ZSCAN2: variants seen among roughly 807,000 people sequenced by gnomAD.
ZSCAN2 encodes zinc finger and SCAN domain-containing protein 2.
A neutral mutation model predicts 47.8 loss-of-function variants in ZSCAN2; 26 were observed. The observed-to-expected ratio is 0.54, with a 90% confidence interval of 0.40 to 0.75. ZSCAN2 has a LOEUF of 0.75. Ranked by LOEUF, ZSCAN2 falls within the 30% of genes least tolerant of loss-of-function variation. ZSCAN2 has a pLI of 0.00. For missense variants in ZSCAN2, 732 were observed against 785.4 expected, an observed-to-expected ratio of 0.93 and a Z score of 0.81; for synonymous variants, 305 against 288.7, an observed-to-expected ratio of 1.06 and a Z score of -0.57.
At position 84,612,730 on chromosome 15, in the gene ZSCAN2, G is replaced by A. The variant is rs72750857; in HGVS notation, c.407-7872G>A. Among the ~76,000 whole-genome samples, 904 of 151,780 alleles carry A rather than the reference G, an allele frequency of 6.0e-3. 10 individuals are homozygous for A. Among genetic ancestry groups the A allele is most frequent in the Middle Eastern group, 0.014 (4 of 294 alleles). On this transcript the variant is annotated intron_variant, in intron 2 of 2. Coordinates refer to ENST00000546148, the MANE Select transcript of ZSCAN2 (RefSeq NM_181877.4). ...GGCCTGGAAGACAGAGTGAGACTGCGTCTCAAAAGAAAAAAAAAAGGGGGA... is the reference window on the plus strand; with the variant it reads ...GGCCTGGAAGACAGAGTGAGACTGCATCTCAAAAGAAAAAAAAAAGGGGGA...
intron 1 of ZSCAN2, chr15:84,601,997 AG>A (rs1895219055): frequency 8.2e-6 from 1 of 121,378 alleles, no homozygotes. Flanking sequence ...TTTGTTGCCC[AG>A]GCTGGAGTGC....
At chr15:84,616,205 C>G (rs746979603) in intron 2 of ZSCAN2, 3 of 746,078 alleles carry the variant, frequency 4.0e-6, no homozygotes, top group Non-Finnish European at 7.3e-6. Context: ...CCACTGCACT[C>G]CAGCCTGGGT....
intron 2 of ZSCAN2, among the ~76,000 whole-genome samples, chr15:84,618,366 C>A (rs1174782428): frequency 6.6e-6 from 1 of 152,054 alleles, no homozygotes; most frequent in Non-Finnish European, 1.5e-5. Flanking sequence ...TGCAGTGAGC[C>A]TAGATCTCGC....
At chr15:84,619,973 A>G (rs1410010933) in intron 2 of ZSCAN2, among the ~76,000 whole-genome samples, 1 of 144,400 alleles carries the variant, frequency 6.9e-6, no homozygotes, top group Admixed American at 7.2e-5. Context: ...TCAGGGGTAC[A>G]TGTGCAGGAT....
chr15:84,608,336 C>G (rs1895442867), intron 2 of ZSCAN2, among the ~76,000 whole-genome samples: 2 of 151,816 alleles, frequency 1.3e-5, no homozygotes, highest in Admixed American at 1.3e-4. Context: ...TCGAGACCAG[C>G]CTGGCCAACA....
intron 2 of ZSCAN2, among the ~76,000 whole-genome samples, chr15:84,613,981 CTTTTTTTTTT>C (rs35815000): frequency 3.6e-4 from 19 of 52,342 alleles, no homozygotes; most frequent in East Asian, 3.6e-3. Flanking sequence ...CTCTTGGCCT[CTTTTTTTTTT>C]TTTTTTTTTT....
chr15:84,611,789 C>G (rs1017974444), intron 2 of ZSCAN2: 1 of 152,202 alleles, frequency 6.6e-6, no homozygotes, highest in Non-Finnish European at 1.5e-5. Flanking sequence ...AAGTGGATGT[C>G]TGGGCCATCC....
At chr15:84,603,605 G>T (rs1379886686) in intron 1 of ZSCAN2, among the ~76,000 whole-genome samples, 1 of 151,994 alleles carries the variant, frequency 6.6e-6, no homozygotes, top group Non-Finnish European at 1.5e-5. Context: ...GCCTCCCAAA[G>T]TGCTGGGATT....
intron 2 of ZSCAN2, among the ~76,000 whole-genome samples, chr15:84,604,631 A>T (rs1346593128): frequency 6.6e-6 from 1 of 152,108 alleles, no homozygotes; most frequent in Admixed American, 6.5e-5. Context: ...ACGGGAGGAG[A>T]TGGAGACCCC....
Position 84,621,929 on chromosome 15 carries a change from A to G in ZSCAN2, c.1734A>G (p.Arg578=). 6.2e-7 allele frequency: 1 copy of G among 1,612,626 alleles called. No individual in the cohort carries two copies. Among genetic ancestry groups the G allele is most frequent in the Non-Finnish European group, 8.5e-7 (1 of 1,179,352 alleles). ...SWNSVLIIHQ[R]IHTGEKPYKC... ...ACTCAGTCCTCATTATACATCAGCG[A>G]ATCCACACTGGGGAGAAGCCCTACA... Residue 578 remains arginine, a synonymous_variant, in exon 3 of 3, where the codon CGA becomes CGG. Transcript: ENST00000546148. This position sits in a 1 kb window ranked among gnomAD's most constrained non-coding sequence, Gnocchi z 5.7.
chr15:84,603,544 T>C (rs953954207), intron 1 of ZSCAN2, among the ~76,000 whole-genome samples: 2 of 151,948 alleles, frequency 1.3e-5, no homozygotes, highest in Non-Finnish European at 2.9e-5. Flanking sequence ...AATTTTTGTA[T>C]TTTTAATAGA....
chr15:84,609,420 T>A (rs1182382642), intron 2 of ZSCAN2, among the ~76,000 whole-genome samples: 1 of 151,102 alleles, frequency 6.6e-6, no homozygotes, highest in East Asian at 1.9e-4. Context: ...ACTCTTGGCC[T>A]CAAGTGGTCC....
Position 84,621,993 on chromosome 15 carries a change from A to G in ZSCAN2, c.1798A>G (p.Asn600Asp). ...TGGCAAAGGCTTCAGCAACAGCTCT[A>G]ACTTTATCACACATCAGAGAACTCA... is the stretch of plus-strand genomic sequence containing the variant. ...ECGKGFSNSSNFITHQRTHMK... is the reference protein window; with the variant it reads ...ECGKGFSNSSDFITHQRTHMK... Residue 600 changes from asparagine (N) to aspartate (D), a missense_variant, in exon 3 of 3, where the codon AAC (asparagine) becomes GAC (aspartate). By Grantham distance (23) the Asn-to-Asp change is conservative. Coordinates refer to ENST00000546148, the MANE Select transcript of ZSCAN2 (RefSeq NM_181877.4). This position sits in a 1 kb window ranked among gnomAD's most constrained non-coding sequence, Gnocchi z 5.7. 6.2e-7 allele frequency: 1 copy of G among 1,613,596 alleles called. No individual in the cohort carries two copies. Among genetic ancestry groups the G allele is most frequent in the South Asian group, 1.1e-5 (1 of 91,036 alleles).
Position 84,604,123 on chromosome 15 carries a change from CAGG to C in ZSCAN2, c.203_205del (p.Glu68del), listed in dbSNP as rs1255434111. ...CCAGAGTGCTGGCAAGGGCGGCCCC[CAGG>C]AGGAGGTGACCAGGGGACCACAGGG... On this transcript the variant is annotated inframe_deletion, in exon 2 of 3. Coordinates refer to ENST00000546148, the MANE Select transcript of ZSCAN2 (RefSeq NM_181877.4). The C allele has an allele frequency of 6.2e-7, 1 of 1,613,826 alleles. No homozygotes were observed. Among genetic ancestry groups the C allele is most frequent in the East Asian group, 2.2e-5 (1 of 44,892 alleles).
At chr15:84,608,530 C>CAAAA (rs1181525313) in intron 2 of ZSCAN2, among the ~76,000 whole-genome samples, 2 of 92,642 alleles carry the variant, frequency 2.2e-5, no homozygotes, top group Non-Finnish European at 4.2e-5. Context: ...GACTCTGTCT[C>CAAAA]AAAAAAAAAA....
intron 1 of ZSCAN2, among the ~76,000 whole-genome samples, chr15:84,601,448 G>A (rs556977157): frequency 6.6e-6 from 1 of 152,308 alleles, no homozygotes; most frequent in South Asian, 2.1e-4. Context: ...GAGGTTCAGA[G>A]GGGGCGTGTC....
chr15:84,614,378 G>A (rs1005111719), intron 2 of ZSCAN2: 6 of 152,114 alleles, frequency 3.9e-5, no homozygotes, highest in African/African-American at 1.4e-4. Flanking sequence ...TTACAGATGA[G>A]GCAATCAACG....
rs192437064 is a variant in ZSCAN2 at position 84,605,995 on chromosome 15, G to A, written c.406+1662G>A. ...AGAACCAAGATTTGAACTTATGTGT[G>A]TGAGGACATAGCCCATGTTTTTAAG... On this transcript the variant is annotated intron_variant, in intron 2 of 2. Transcript: ENST00000546148. Among the ~76,000 whole-genome samples, 90 of 152,372 alleles carry A rather than the reference G, an allele frequency of 5.9e-4. 1 individual carries two copies. Among genetic ancestry groups the A allele is most frequent in the Middle Eastern group, 3.4e-3 (1 of 294 alleles).
intron 2 of ZSCAN2, chr15:84,616,473 C>G: frequency 6.8e-7 from 1 of 1,463,134 alleles, no homozygotes; most frequent in Non-Finnish European, 9.0e-7. Flanking sequence ...CACCCCAGGG[C>G]TCTCCATGCT....
Sources: gnomAD v4.1 joint callset for allele counts (sites outside exome capture counted in the v4.1 genomes callset) on GRCh38, gnomAD v4.1.1 for gene constraint, Gnocchi (gnomAD v3.1) non-coding constraint, MANE v1.5 for transcripts, NCBI Gene and HGNC (gene_info 2026-07-23, HGNC 2026-07-21) for gene names.